Variants in ABHD2 observed in about 807,000 individuals in gnomAD.
The protein encoded by ABHD2 is abhydrolase domain containing 2, acylglycerol lipase, also known as monoacylglycerol lipase ABHD2.
ABHD2 carries 20 observed loss-of-function variants against 48.1 expected under a neutral mutation model. The observed-to-expected ratio is 0.42, with a 90% CI of 0.29 to 0.60. The LOEUF (loss-of-function observed/expected upper bound fraction) is 0.60. Among genes scored for constraint, ABHD2 ranks in the 20% least tolerant of loss-of-function variants. The pLI, the probability that ABHD2 is intolerant of heterozygous loss-of-function variation, is 0.24. For synonymous variants in ABHD2, 209 were observed against 214.2 expected, an observed-to-expected ratio of 0.98 and a Z score of 0.21; for missense variants, 405 against 550.9, an observed-to-expected ratio of 0.74 and a Z score of 2.65.
At chr15:89,181,398 A>T (rs1011717910) in intron 6 of ABHD2, among the ~76,000 whole-genome samples, 5 of 152,018 alleles carry the variant, frequency 3.3e-5, no homozygotes, top group Non-Finnish European at 5.9e-5. Flanking sequence ...AAAGTACTTA[A>T]TGTACTTTAT....
chr15:89,172,033 T>TA (rs71149278), intron 5 of ABHD2, among the ~76,000 whole-genome samples: 5,321 of 150,482 alleles, frequency 0.035, 194 homozygotes, highest in African/African-American at 0.092. Flanking sequence ...GCTTTTTTTT[T>TA]AAAAAAAATC....
intron 1 of ABHD2, among the ~76,000 whole-genome samples, chr15:89,109,309 C>T (rs1418420675): frequency 6.6e-6 from 1 of 152,314 alleles, no homozygotes; most frequent in Admixed American, 6.5e-5. Flanking sequence ...CCTTGGTTTC[C>T]TTTGTTAATG....
rs1026431441 is a variant in ABHD2, at chr15:89,173,864, A to G, written c.539-1948A>G. 6.6e-6 allele frequency among the ~76,000 whole-genome samples: 1 copy of G among 152,160 alleles called. No homozygotes were observed. The highest frequency in any genetic ancestry group is 1.5e-5 in the Non-Finnish European group (1 of 68,020). On this transcript the variant is annotated intron_variant, in intron 5 of 10. Transcript: ENST00000352732. This position sits in a 1 kb window ranked among gnomAD's most constrained non-coding sequence, Gnocchi z 6.5. Reference sequence around the variant, plus strand: ...GAGAGGGAGACGGGCTGCCTTCTCAAAGTTGGTGCCTGGGTCCTGCTGTTT... The same window carrying G: ...GAGAGGGAGACGGGCTGCCTTCTCAGAGTTGGTGCCTGGGTCCTGCTGTTT...
At position 89,094,151 on chromosome 15, in the gene ABHD2, T is replaced by A. The variant is rs2049573604; in HGVS notation, c.-107+5588T>A. 6.6e-6 allele frequency: 1 copy of A among 152,156 alleles called. No individual in the cohort carries two copies. Among genetic ancestry groups the A allele is most frequent in the Non-Finnish European group, 1.5e-5 (1 of 68,030 alleles). 9.4% of individuals were successfully genotyped at this position (152,156 alleles called of 1,614,324 possible). On this transcript the variant is annotated intron_variant, in intron 1 of 10. Transcript: ENST00000352732. This position sits in a 1 kb window ranked among gnomAD's most constrained non-coding sequence, Gnocchi z 4.7. ...AGGTGAGGAGAGGGAGGTGGTGTTA[T>A]CAGTTCCACTTTTTCCAGGCTAGAG...
At position 89,166,222 on chromosome 15, in the gene ABHD2, G is replaced by T. The variant is rs917692982; in HGVS notation, c.539-9590G>T. Among the ~76,000 whole-genome samples the T allele has an allele frequency of 6.6e-6, 1 of 152,212 alleles. No individual in the cohort carries two copies. The highest frequency in any genetic ancestry group is 1.5e-5 in the Non-Finnish European group (1 of 68,034). ...AAGGTAACGAGTCCCTTAGGATCAT[G>T]AGCCTTCTAAGAACTTAGTACCCAT... On this transcript the variant is annotated intron_variant, in intron 5 of 10. Coordinates refer to ENST00000352732, the MANE Select transcript of ABHD2 (RefSeq NM_152924.5). This position sits in a 1 kb window ranked among gnomAD's most constrained non-coding sequence, Gnocchi z 4.6.
intron 3 of ABHD2, among the ~76,000 whole-genome samples, chr15:89,139,646 G>A (rs553092780): frequency 6.6e-6 from 1 of 152,252 alleles, no homozygotes; most frequent in Non-Finnish European, 1.5e-5. Flanking sequence ...ACTCCTAGTT[G>A]GGCATCCTCA....
the ABHD2 span, among the ~76,000 whole-genome samples, chr15:89,056,863 G>A: frequency 1.3e-5 from 2 of 150,716 alleles, no homozygotes; most frequent in African/African-American, 4.9e-5. Context: ...TAGTCAGTAG[G>A]CATTAAATTT....
chr15:89,186,323 G>A lies in ABHD2; in HGVS notation c.815+807G>A, dbSNP rs376132323. On this transcript the variant is annotated intron_variant, in intron 7 of 10. Transcript: ENST00000352732. The surrounding 1 kb of genome is among the most constrained non-coding windows in gnomAD (Gnocchi z 4.3). ...CCTGTGGTGGGTTAACCTGTCAAGT[G>A]CTTAGAGCAGTGCTGTTATGCATAG... is the stretch of plus-strand genomic sequence containing the variant. Among the ~76,000 whole-genome samples, 6 of 152,324 alleles carry A rather than the reference G, an allele frequency of 3.9e-5. No individual in the cohort carries two copies. In the East Asian group the frequency reaches 1.2e-3, roughly 29 times the overall value.
At chr15:89,065,534 C>T in the ABHD2 span, among the ~76,000 whole-genome samples, 1 of 152,214 alleles carries the variant, frequency 6.6e-6, no homozygotes, top group Admixed American at 6.5e-5. Flanking sequence ...CCAAACACTC[C>T]CTTCCTAAGA....
chr15:89,067,077 G>A, the ABHD2 span, among the ~76,000 whole-genome samples: 2 of 151,640 alleles, frequency 1.3e-5, no homozygotes, highest in East Asian at 3.9e-4. Flanking sequence ...GGGGTGATCA[G>A]ACCCAACACC....
the ABHD2 span, among the ~76,000 whole-genome samples, chr15:89,066,430 C>T: frequency 6.6e-6 from 1 of 152,148 alleles, no homozygotes; most frequent in Non-Finnish European, 1.5e-5. Flanking sequence ...AGATACCAGT[C>T]TTTGGCCTTA....
intron 10 of ABHD2, among the ~76,000 whole-genome samples, chr15:89,193,891 A>G (rs978987680): frequency 6.7e-5 from 10 of 149,328 alleles, no homozygotes; most frequent in African/African-American, 2.5e-4. Context: ...ACTGCACTCC[A>G]GCCTGGGTGA....
rs1301045955 is a variant in ABHD2, at chr15:89,184,466, A to G, written c.723-958A>G. Among the ~76,000 whole-genome samples the G allele has an allele frequency of 1.3e-5, 2 of 152,202 alleles. No homozygotes were observed. Among genetic ancestry groups the G allele is most frequent in the South Asian group, 2.1e-4 (1 of 4,832 alleles). ...CTGGAGATTTTGAAACGTGCAAGAT[A>G]AAAGTTTCCCTGTAATGAGTGTGGA... On this transcript the variant is annotated intron_variant, in intron 6 of 10. Coordinates refer to ENST00000352732, the MANE Select transcript of ABHD2 (RefSeq NM_152924.5). This position sits in a 1 kb window ranked among gnomAD's most constrained non-coding sequence, Gnocchi z 5.1.
At chr15:89,154,072 G>A (rs1308532310) in intron 4 of ABHD2, among the ~76,000 whole-genome samples, 2 of 152,122 alleles carry the variant, frequency 1.3e-5, no homozygotes, top group Non-Finnish European at 2.9e-5. Context: ...TTACTAGGTC[G>A]AAGCTTATAA....
At chr15:89,090,915 T>C (rs1901570355) in intron 1 of ABHD2, among the ~76,000 whole-genome samples, 1 of 152,210 alleles carries the variant, frequency 6.6e-6, no homozygotes, top group Non-Finnish European at 1.5e-5. Context: ...AGTTACTTAG[T>C]CATTCGAATA....
At chr15:89,071,294 G>A in the ABHD2 span, among the ~76,000 whole-genome samples, 9 of 152,232 alleles carry the variant, frequency 5.9e-5, no homozygotes, top group East Asian at 7.7e-4. Context: ...GGTGTCAAGC[G>A]CCTATAATCC....
rs1476898388 is a variant in ABHD2, at chr15:89,092,411, C to A, written c.-107+3848C>A. 6.6e-6 allele frequency among the ~76,000 whole-genome samples: 1 copy of A among 152,184 alleles called. No homozygotes were observed. The highest frequency in any genetic ancestry group is 1.9e-4 in the East Asian group (1 of 5,198). ...CCAGGAACACAGTTGACAAGATTAA[C>A]AAATTAGTTTGGTTTGTTGCTTAAA... On this transcript the variant is annotated intron_variant, in intron 1 of 10. Coordinates refer to ENST00000352732, the MANE Select transcript of ABHD2 (RefSeq NM_152924.5). This position sits in a 1 kb window ranked among gnomAD's most constrained non-coding sequence, Gnocchi z 4.4.
At chr15:89,072,363 CT>C in the ABHD2 span, among the ~76,000 whole-genome samples, 1 of 152,052 alleles carries the variant, frequency 6.6e-6, no homozygotes, top group Admixed American at 6.6e-5. Flanking sequence ...GTAGTCCCAG[CT>C]ACTCGGGAGT....
chr15:89,201,322 T>A lies in ABHD2; in HGVS notation c.*5899T>A. ...GTTTCCTTGTTTCAGTATCATGAAG[T>A]GAAGCACTGTGTGGTTGTGGCGTGG... On this transcript the variant is annotated 3_prime_UTR_variant, in exon 11 of 11. Coordinates refer to ENST00000352732, the MANE Select transcript of ABHD2 (RefSeq NM_152924.5). The A allele has an allele frequency of 1.9e-6, 2 of 1,057,842 alleles. No individual in the cohort carries two copies. Among genetic ancestry groups the A allele is most frequent in the African/African-American group, 1.6e-5 (1 of 62,988 alleles). The allele number at this position is 1,057,842 out of a possible 1,614,324, so 65.5% of individuals were successfully genotyped here.
Sources: gnomAD v4.1 joint callset for allele counts (sites outside exome capture counted in the v4.1 genomes callset) on GRCh38, gnomAD v4.1.1 for gene constraint, Gnocchi (gnomAD v3.1) non-coding constraint, MANE v1.5 for transcripts, NCBI Gene and HGNC (gene_info 2026-07-23, HGNC 2026-07-21) for gene names.